Variants in VAV2 observed in about 807,000 individuals in gnomAD.
VAV2 encodes the protein guanine nucleotide exchange factor VAV2.
VAV2 carries 67 observed loss-of-function variants against 132.5 expected under a neutral mutation model. The observed-to-expected ratio is 0.51, with a 90% CI of 0.42 to 0.62. The LOEUF (loss-of-function observed/expected upper bound fraction) is 0.62. Ranked by LOEUF, VAV2 falls within the 20% of genes least tolerant of loss-of-function variation. The pLI, the probability that VAV2 is intolerant of heterozygous loss-of-function variation, is 0.00. For synonymous variants in VAV2, 492 were observed against 443.5 expected, an observed-to-expected ratio of 1.11 and a Z score of -1.37; for missense variants, 938 against 1,153.6, an observed-to-expected ratio of 0.81 and a Z score of 2.71.
chr9:133,764,249 C>T (rs1833361542), intron 29 of VAV2, 140 bp from the exon 30 acceptor site: 1 of 1,046,078 alleles, frequency 9.6e-7, no homozygotes, highest in Admixed American at 2.2e-5. Context: ...TCAGAAGGAC[C>T]TGGTGGAACC....
At chr9:133,925,226 C>A (rs180942779) in intron 2 of VAV2, among the ~76,000 whole-genome samples, 9 of 152,218 alleles carry the variant, frequency 5.9e-5, no homozygotes, top group African/African-American at 9.6e-5. Flanking sequence ...TTTTTTCTTC[C>A]CCCCACCGGA....
intron 2 of VAV2, among the ~76,000 whole-genome samples, chr9:133,930,905 A>C (rs1840663743): frequency 1.3e-5 from 2 of 152,210 alleles, no homozygotes; most frequent in South Asian, 4.1e-4. Flanking sequence ...TAACTGCCTC[A>C]GAAGTCTCTG....
intron 2 of VAV2, among the ~76,000 whole-genome samples, chr9:133,896,172 A>T (rs1839193652): frequency 6.6e-6 from 1 of 152,216 alleles, no homozygotes; most frequent in African/African-American, 2.4e-5. Flanking sequence ...TAACGTTAGT[A>T]GGTCGGGCGC....
chr9:133,771,081 T>G (rs1271148744), intron 26 of VAV2, among the ~76,000 whole-genome samples: 1 of 148,834 alleles, frequency 6.7e-6, no homozygotes, highest in Non-Finnish European at 1.5e-5. Context: ...TTTTTTTTTT[T>G]GAGACAGAGT....
chr9:133,972,659 G>C (rs1008054621), intron 1 of VAV2, among the ~76,000 whole-genome samples: 1 of 152,204 alleles, frequency 6.6e-6, no homozygotes, highest in Admixed American at 6.5e-5. Flanking sequence ...CCTCCCGCAA[G>C]AGTCCTCACA....
chr9:133,798,333 C>G (rs1011151277), intron 9 of VAV2, among the ~76,000 whole-genome samples: 2 of 152,304 alleles, frequency 1.3e-5, no homozygotes, highest in Non-Finnish European at 2.9e-5. Flanking sequence ...GGGACAACAG[C>G]AGTGACAGCC....
chr9:133,766,902 G>T (rs878862215), intron 29 of VAV2, among the ~76,000 whole-genome samples: 1 of 150,654 alleles, frequency 6.6e-6, no homozygotes, highest in Admixed American at 6.6e-5. Context: ...ATCAAAAGTC[G>T]CAAGGTCCTT....
At chr9:133,838,051 C>T (rs962512619) in intron 3 of VAV2, among the ~76,000 whole-genome samples, 1 of 152,154 alleles carries the variant, frequency 6.6e-6, no homozygotes, top group Non-Finnish European at 1.5e-5. Context: ...CCGTGCACGG[C>T]CTCAGCGCCT....
intron 2 of VAV2, among the ~76,000 whole-genome samples, chr9:133,915,285 C>T (rs1430106958): frequency 6.6e-6 from 1 of 152,174 alleles, no homozygotes; most frequent in East Asian, 1.9e-4. Flanking sequence ...TCCTTGTGAT[C>T]ACGTGGTTTC....
intron 3 of VAV2, among the ~76,000 whole-genome samples, chr9:133,848,081 T>C (rs1323131227): frequency 1.3e-5 from 2 of 151,854 alleles, no homozygotes; most frequent in African/African-American, 4.8e-5. Flanking sequence ...ATCGAGACCA[T>C]CCTGGCTACC....
At chr9:133,889,071 T>C (rs2486354) in intron 2 of VAV2, among the ~76,000 whole-genome samples, 100,562 of 152,020 alleles carry the variant, frequency 0.66, 34,815 homozygotes, top group Middle Eastern at 0.87. Flanking sequence ...CTGAGGCAGG[T>C]CCGGCAGGGA....
intron 2 of VAV2, among the ~76,000 whole-genome samples, chr9:133,905,433 CAAAAAAAAA>C (rs5901029): frequency 8.8e-6 from 1 of 113,302 alleles, no homozygotes; most frequent in Non-Finnish European, 1.7e-5. Flanking sequence ...GAAACTGTCT[CAAAAAAAAA>C]AAAAAAAAGA....
chr9:133,864,364 A>G (rs948502836), intron 2 of VAV2, among the ~76,000 whole-genome samples: 3 of 152,220 alleles, frequency 2.0e-5, no homozygotes, highest in African/African-American at 7.2e-5. Flanking sequence ...CCTCTGTGCC[A>G]TTCACCAACG....
chr9:133,966,207 C>T (rs1842135284), intron 1 of VAV2, among the ~76,000 whole-genome samples: 1 of 152,098 alleles, frequency 6.6e-6, no homozygotes, highest in African/African-American at 2.4e-5. Context: ...GAAATGCTTC[C>T]GGACATTGGT....
At chr9:133,977,957 G>A (rs1490315296) in intron 1 of VAV2, among the ~76,000 whole-genome samples, 1 of 103,944 alleles carries the variant, frequency 9.6e-6, no homozygotes, top group Non-Finnish European at 1.9e-5. Context: ...CCTGCCTCTG[G>A]AGATGTCCTA....
intron 3 of VAV2, among the ~76,000 whole-genome samples, chr9:133,855,849 T>TG (rs1336970031): frequency 6.6e-6 from 1 of 152,214 alleles, no homozygotes; most frequent in Non-Finnish European, 1.5e-5. Context: ...CCCTGTCCCC[T>TG]GCCTTGCAGC....
rs1457535168 is a variant in VAV2, at chr9:133,884,974, C to T, written c.322-23542G>A. On this transcript the variant is annotated intron_variant, in intron 2 of 29. Coordinates refer to ENST00000371850, the MANE Select transcript of VAV2 (RefSeq NM_001134398.2). The surrounding 1 kb of genome is among the most constrained non-coding windows in gnomAD (Gnocchi z 5.3). Reference sequence around the variant, plus strand: ...AGCCAGCCACAGTGACAGGTGGAGCCTAGATCATTCCAAAGACTCCAAAGA... The same window carrying T: ...AGCCAGCCACAGTGACAGGTGGAGCTTAGATCATTCCAAAGACTCCAAAGA... Among the ~76,000 whole-genome samples, 2 of 152,186 alleles carry T rather than the reference C, an allele frequency of 1.3e-5. No individual in the cohort carries two copies. Among genetic ancestry groups the T allele is most frequent in the African/African-American group, 4.8e-5 (2 of 41,450 alleles).
chr9:133,801,979 T>A lies in VAV2; in HGVS notation c.836+4102A>T, dbSNP rs540053374. 1.8e-4 allele frequency among the ~76,000 whole-genome samples: 28 copies of A among 152,192 alleles called. No homozygotes were observed. In the South Asian group the frequency reaches 4.6e-3, roughly 25 times the overall value. On this transcript the variant is annotated intron_variant, in intron 9 of 29. Transcript: ENST00000371850. ...ACATCTCTGTTGTTTCAAGCCACCA[T>A]GTTTGCGGTCATTGTTACAGCCAAG...
At chr9:133,793,322 C>T (rs1413775620) in intron 12 of VAV2, among the ~76,000 whole-genome samples, 2 of 151,976 alleles carry the variant, frequency 1.3e-5, no homozygotes, top group Non-Finnish European at 2.9e-5. Context: ...CCAGCCAGGG[C>T]CAGAGCCAGA....
Sources: gnomAD v4.1 joint callset for allele counts (sites outside exome capture counted in the v4.1 genomes callset) on GRCh38, gnomAD v4.1.1 for gene constraint, Gnocchi (gnomAD v3.1) non-coding constraint, MANE v1.5 for transcripts, NCBI Gene and HGNC (gene_info 2026-07-23, HGNC 2026-07-21) for gene names.